The following NUP93 variants were observed in gnomAD, a reference collection of about 807,000 sequenced individuals.
NUP93 encodes the protein nucleoporin 93, also known as nuclear pore complex protein Nup93.
A neutral mutation model predicts 107.8 loss-of-function variants in NUP93; 55 were observed. That is an observed-to-expected ratio of 0.51 (90% CI 0.41 to 0.64). NUP93 has a LOEUF of 0.64. NUP93 is among the 30% of genes least tolerant of loss of function. The pLI, the probability that NUP93 is intolerant of heterozygous loss-of-function variation, is 0.00. For missense variants in NUP93, 937 were observed against 1,044.7 expected (o/e 0.90, Z 1.42); for synonymous variants, 390 against 397.5 (o/e 0.98, Z 0.22).
intron 7 of NUP93, among the ~76,000 whole-genome samples, chr16:56,823,132 G>T (rs755057901): frequency 2.6e-5 from 4 of 152,178 alleles, no homozygotes; most frequent in African/African-American, 4.8e-5. Context: ...AAGAACACCC[G>T]CTCCTTTCCT....
chr16:56,783,353 C>A, intron 3 of NUP93: 1 of 364,612 alleles, frequency 2.7e-6, no homozygotes, highest in Non-Finnish European at 3.8e-6. Flanking sequence ...AGGAGAGCTG[C>A]TCAGCAGAGG....
chr16:56,794,085 G>T, intron 3 of NUP93, among the ~76,000 whole-genome samples: 1 of 130,806 alleles, frequency 7.6e-6, no homozygotes, highest in Admixed American at 8.3e-5. Context: ...TAGGTAGGTA[G>T]GTAGGTAGAT....
intron 8 of NUP93, among the ~76,000 whole-genome samples, chr16:56,824,367 C>T (rs1335917507): frequency 1.3e-5 from 2 of 152,170 alleles, no homozygotes; most frequent in Non-Finnish European, 2.9e-5. Context: ...CACCTCCTCA[C>T]CAATCAGAGC....
chr16:56,806,224 C>T (rs1156393230), intron 5 of NUP93, among the ~76,000 whole-genome samples: 1 of 151,580 alleles, frequency 6.6e-6, no homozygotes, highest in Non-Finnish European at 1.5e-5. Context: ...GACACCTCAG[C>T]CTCACTTTTG....
intron 1 of NUP93, among the ~76,000 whole-genome samples, chr16:56,736,008 C>T (rs991453219): frequency 1.3e-5 from 2 of 152,002 alleles, no homozygotes; most frequent in Admixed American, 1.3e-4. Context: ...GAGGATGTTG[C>T]AAAAATATAA....
At chr16:56,762,975 T>C (rs1197486220) in intron 3 of NUP93, among the ~76,000 whole-genome samples, 5 of 152,172 alleles carry the variant, frequency 3.3e-5, no homozygotes, top group Admixed American at 6.5e-5. Flanking sequence ...TAATCTCTTC[T>C]TGAGATCCTT....
chr16:56,823,863 A>T lies in NUP93; in HGVS notation c.794+17A>T. 1.2e-6 allele frequency: 2 copies of T among 1,610,336 alleles called. No individual in the cohort carries two copies. Among genetic ancestry groups the T allele is most frequent in the Non-Finnish European group, 8.5e-7 (1 of 1,177,892 alleles). The stretch of plus-strand genomic sequence containing the variant: ...TGAGCAGAGGTAAGGCAGCAGTAGC[A>T]CAGTGGGGCTGGCTTTCACATCCTT... On this transcript the variant is annotated intron_variant, in intron 8 of 21. Coordinates refer to ENST00000308159, the MANE Select transcript of NUP93 (RefSeq NM_014669.5).
chr16:56,836,656 CT>C lies in NUP93; in HGVS notation c.1840del (p.Ser614LeufsTer28). On this transcript the variant is annotated frameshift_variant, in exon 17 of 22. Transcript: ENST00000308159. LOFTEE classifies it high-confidence loss of function. Reference sequence around the variant, plus strand: ...ACAAAGCCTATTATCAACAAAGTTGCTTCTGTGGCAGAAAATAAAGGACTGT... The same window carrying C: ...ACAAAGCCTATTATCAACAAAGTTGCTCTGTGGCAGAAAATAAAGGACTGT... ...SDTKPIINKV[A>X]SVAENKGLFE... 2 of 1,614,144 alleles carry C rather than the reference CT, an allele frequency of 1.2e-6. No homozygotes were observed. Among genetic ancestry groups the C allele is most frequent in the Non-Finnish European group, 1.7e-6 (2 of 1,179,994 alleles).
intron 21 of NUP93, chr16:56,842,533 G>C (rs1213011298): frequency 7.0e-6 from 3 of 429,710 alleles, no homozygotes; most frequent in Middle Eastern, 1.5e-3. Flanking sequence ...TAAACCATAA[G>C]GGGACAGTCC....
At chr16:56,739,503 G>A in intron 1 of NUP93, among the ~76,000 whole-genome samples, 3 of 110,820 alleles carry the variant, frequency 2.7e-5, no homozygotes, top group Non-Finnish European at 5.7e-5. Flanking sequence ...CCCGGACGGG[G>A]CGGCTGGCCG....
At chr16:56,787,414 G>A (rs772019428) in intron 3 of NUP93, among the ~76,000 whole-genome samples, 7 of 152,184 alleles carry the variant, frequency 4.6e-5, no homozygotes, top group Non-Finnish European at 8.8e-5. Context: ...CTGACTAACA[G>A]TGCTCCTTGT....
At chr16:56,804,899 C>CT (rs746744927) in intron 4 of NUP93, among the ~76,000 whole-genome samples, 41 of 143,788 alleles carry the variant, frequency 2.9e-4, no homozygotes, top group Admixed American at 1.3e-3. Flanking sequence ...GAGTGAAACT[C>CT]TGTCTCAAAA....
chr16:56,799,971 T>C (rs1962985425), intron 4 of NUP93, among the ~76,000 whole-genome samples: 1 of 152,208 alleles, frequency 6.6e-6, no homozygotes, highest in Non-Finnish European at 1.5e-5. Flanking sequence ...CCACTTGAGG[T>C]CAGGAGTTCG....
In NUP93 at chr16:56,818,758, G is replaced by A. The variant is rs987598057; in HGVS notation, c.564+20G>A. ...CGGCAAGTGAGTGTGATTTTAAGGG[G>A]GATTAAGCCAGGAAAATCCTTTGTG... On this transcript the variant is annotated intron_variant, in intron 6 of 21. Coordinates refer to ENST00000308159, the MANE Select transcript of NUP93 (RefSeq NM_014669.5). 1.9e-6 allele frequency: 3 copies of A among 1,605,210 alleles called. No individual in the cohort carries two copies. The highest frequency in any genetic ancestry group is 2.7e-5 in the African/African-American group (2 of 74,730).
chr16:56,816,599 C>T (rs1206067079), intron 5 of NUP93, among the ~76,000 whole-genome samples: 2 of 152,206 alleles, frequency 1.3e-5, no homozygotes, highest in Admixed American at 6.5e-5. Context: ...GGCCCCCCGC[C>T]TCAACCCTCC....
At chr16:56,740,283 G>T (rs1961704275) in intron 1 of NUP93, among the ~76,000 whole-genome samples, 1 of 148,838 alleles carries the variant, frequency 6.7e-6, no homozygotes, top group Admixed American at 6.6e-5. Flanking sequence ...GTGGTTGCCG[G>T]GCAGAGGGTC....
At chr16:56,743,044 A>C (rs1302078035) in intron 1 of NUP93, among the ~76,000 whole-genome samples, 1 of 152,214 alleles carries the variant, frequency 6.6e-6, no homozygotes, top group Non-Finnish European at 1.5e-5. Flanking sequence ...ACTCTTTGAG[A>C]ATACTGATTT....
chr16:56,804,772 G>T (rs1173721741), intron 4 of NUP93, among the ~76,000 whole-genome samples: 1 of 151,914 alleles, frequency 6.6e-6, no homozygotes, highest in Non-Finnish European at 1.5e-5. Context: ...TAGGCGTGGT[G>T]GTGGGCGCCT....
In NUP93 at chr16:56,845,959, C is replaced by T. The variant is rs182141416; in HGVS notation, c.*1350C>T. ...AGTGGAGCTGTGTTCTGCCTTCCTC[C>T]TCTAGTCCCATCTTGTCACCCTGGA... On this transcript the variant is annotated 3_prime_UTR_variant, in exon 22 of 22. Transcript: ENST00000308159. The T allele has an allele frequency of 1.3e-5, 2 of 152,354 alleles. No homozygotes were observed. Among genetic ancestry groups the T allele is most frequent in the East Asian group, 3.9e-4 (2 of 5,184 alleles). The allele number at this position is 152,354 out of a possible 1,614,324, so 9.4% of individuals were successfully genotyped here.
Sources: gnomAD v4.1 joint callset for allele counts (sites outside exome capture counted in the v4.1 genomes callset) on GRCh38, gnomAD v4.1.1 for gene constraint, MANE v1.5 for transcripts, NCBI Gene and HGNC (gene_info 2026-07-23, HGNC 2026-07-21) for gene names.